Variants in BTBD9 observed in about 807,000 individuals in gnomAD.
The protein encoded by BTBD9 is BTB domain containing 9, also known as BTB/POZ domain-containing protein 9.
In BTBD9, 49 loss-of-function variants were observed where a neutral mutation model predicts 64.3. That is an observed-to-expected ratio of 0.76 (90% confidence interval 0.61 to 0.97). BTBD9 has a LOEUF of 0.97. BTBD9 is among the 50% of genes least tolerant of loss of function. The pLI, the probability that BTBD9 is intolerant of heterozygous loss-of-function variation, is 0.00. For missense variants in BTBD9, 598 were observed against 762.1 expected, an observed-to-expected ratio of 0.78 and a Z score of 2.53; for synonymous variants, 260 against 274.7, an observed-to-expected ratio of 0.95 and a Z score of 0.53.
At chr6:38,486,054 C>T (rs1771391371) in intron 6 of BTBD9, among the ~76,000 whole-genome samples, 1 of 152,216 alleles carries the variant, frequency 6.6e-6, no homozygotes, top group African/African-American at 2.4e-5. Flanking sequence ...TTCTGTTCTT[C>T]ATCTTATGAA....
At chr6:38,362,652 T>C (rs1417109502) in intron 6 of BTBD9, among the ~76,000 whole-genome samples, 2 of 152,216 alleles carry the variant, frequency 1.3e-5, no homozygotes, top group Non-Finnish European at 1.5e-5. Flanking sequence ...TGTTTCTTTC[T>C]TCAAAAATCC....
rs115575806 is a variant in BTBD9 at position 38,500,969 on chromosome 6, A to C, written c.1154+76631T>G. Among the ~76,000 whole-genome samples, 738 of 152,328 alleles carry C rather than the reference A, an allele frequency of 4.8e-3. 9 individuals carry two copies. The highest frequency in any genetic ancestry group is 0.016 in the African/African-American group (683 of 41,566). On this transcript the variant is annotated intron_variant, in intron 6 of 10. Coordinates refer to ENST00000481247, the MANE Select transcript of BTBD9 (RefSeq NM_001099272.2). ...GCTGAAGACCAAATGTTTAATGTATACAATATAGAGTATTCATTTTCTAAT... is the reference window on the plus strand; with the variant it reads ...GCTGAAGACCAAATGTTTAATGTATCCAATATAGAGTATTCATTTTCTAAT...
Position 38,351,517 on chromosome 6 carries a change from T to TTTG in BTBD9, c.1155-6425_1155-6424insCAA, listed in dbSNP as rs1360306610. Among the ~76,000 whole-genome samples, 3 of 144,410 alleles carry TTTG rather than the reference T, an allele frequency of 2.1e-5. 1 individual carries two copies. Among genetic ancestry groups the TTTG allele is most frequent in the Non-Finnish European group, 4.6e-5 (3 of 65,722 alleles). 94.7% of individuals were successfully genotyped at this position (144,410 alleles called of 152,430 possible). A position where few individuals can be genotyped will look rare whatever the true frequency, so the allele number is the denominator to read the frequency against. ...TATTTAATTGTTGTTGTTTTTTTTT[T>TTTG]TTTTTTTTTTGAGATGGAGTCTCAC... is the stretch of plus-strand genomic sequence containing the variant. On this transcript the variant is annotated intron_variant, in intron 6 of 10. Coordinates refer to ENST00000481247, the MANE Select transcript of BTBD9 (RefSeq NM_001099272.2).
intron 7 of BTBD9, among the ~76,000 whole-genome samples, chr6:38,304,556 C>CAA (rs1157109972): frequency 3.5e-5 from 5 of 141,506 alleles, no homozygotes; most frequent in Non-Finnish European, 6.3e-5. Context: ...AAAAAACAAA[C>CAA]AAAAAAAAAA....
rs77675608 is a variant in BTBD9 at position 38,516,073 on chromosome 6, T to G, written c.1154+61527A>C. ...TTCGGCACAATTCTTGAATTTTTAT[T>G]ATTCTAGCTCATAAGTAGAGCCTCA... On this transcript the variant is annotated intron_variant, in intron 6 of 10. Coordinates refer to ENST00000481247, the MANE Select transcript of BTBD9 (RefSeq NM_001099272.2). 1.2e-3 allele frequency among the ~76,000 whole-genome samples: 176 copies of G among 152,310 alleles called. 4 individuals are homozygous for G. The East Asian group carries it at 0.016, about 14-fold the overall frequency.
intron 9 of BTBD9, among the ~76,000 whole-genome samples, chr6:38,223,110 T>C (rs1034437385): frequency 6.6e-6 from 1 of 152,150 alleles, no homozygotes; most frequent in Non-Finnish European, 1.5e-5. Context: ...TTTCACCATG[T>C]TGGCCAGGCT....
chr6:38,311,178 C>T (rs546075592), intron 7 of BTBD9, among the ~76,000 whole-genome samples: 11 of 151,946 alleles, frequency 7.2e-5, no homozygotes, highest in East Asian at 1.9e-4. Context: ...TGCTATGAAA[C>T]GCTAGATCTT....
At chr6:38,195,103 T>TC (rs1470531050) in intron 9 of BTBD9, among the ~76,000 whole-genome samples, 2 of 152,176 alleles carry the variant, frequency 1.3e-5, no homozygotes, top group Non-Finnish European at 2.9e-5. Context: ...AGCATCTGTC[T>TC]CCCCCCATCA....
chr6:38,428,372 G>C (rs935935328), intron 6 of BTBD9, among the ~76,000 whole-genome samples: 1 of 151,716 alleles, frequency 6.6e-6, no homozygotes, highest in Non-Finnish European at 1.5e-5. Flanking sequence ...TAGCATGTTA[G>C]CACTTGCTCT....
At chr6:38,233,977 T>C (rs986041797) in intron 9 of BTBD9, among the ~76,000 whole-genome samples, 1 of 152,268 alleles carries the variant, frequency 6.6e-6, no homozygotes, top group African/African-American at 2.4e-5. Flanking sequence ...TTTTAACTGA[T>C]ACCACTGTGT....
At chr6:38,390,181 TC>T (rs377539559) in intron 6 of BTBD9, among the ~76,000 whole-genome samples, 1 of 152,294 alleles carries the variant, frequency 6.6e-6, no homozygotes, top group Non-Finnish European at 1.5e-5. Context: ...AGATTTTCTT[TC>T]TTTTTTTTGA....
In BTBD9 at chr6:38,594,070, A is replaced by C; in HGVS notation, c.443T>G (p.Val148Gly). Residue 148 changes from valine to glycine, a missense_variant, in exon 3 of 11, where the codon GTT becomes GGT. Transcript: ENST00000481247. ...NIQNVCMTFD[V>G]ASLYSLPKLT... Reference sequence around the variant, plus strand: ...CTTGGGAAGTGAGTAGAGACTGGCAACATCAAAAGTCATGCAGACATTCTG... The same window carrying C: ...CTTGGGAAGTGAGTAGAGACTGGCACCATCAAAAGTCATGCAGACATTCTG... 6.2e-7 allele frequency: 1 copy of C among 1,614,216 alleles called. No homozygotes were observed. Among genetic ancestry groups the C allele is most frequent in the Non-Finnish European group, 8.5e-7 (1 of 1,180,022 alleles).
intron 9 of BTBD9, among the ~76,000 whole-genome samples, chr6:38,194,568 T>C (rs1019542179): frequency 1.3e-5 from 2 of 152,198 alleles, no homozygotes; most frequent in Non-Finnish European, 2.9e-5. Context: ...TTCTGGACAG[T>C]TGGAAGCTCT....
intron 6 of BTBD9, among the ~76,000 whole-genome samples, chr6:38,467,381 C>G (rs1340866005): frequency 6.6e-6 from 1 of 152,164 alleles, no homozygotes; most frequent in Non-Finnish European, 1.5e-5. Flanking sequence ...CTGTTAGAGT[C>G]TATGTATACA....
At chr6:38,500,823 C>T (rs1036488221) in intron 6 of BTBD9, among the ~76,000 whole-genome samples, 1 of 152,170 alleles carries the variant, frequency 6.6e-6, no homozygotes, top group African/African-American at 2.4e-5. Context: ...ATGCCAGTGA[C>T]AAGAACAGAT....
At chr6:38,486,308 C>G (rs1027376628) in intron 6 of BTBD9, among the ~76,000 whole-genome samples, 1 of 152,198 alleles carries the variant, frequency 6.6e-6, no homozygotes, top group African/African-American at 2.4e-5. Context: ...AGTGCTTGGA[C>G]TTTCCTTCAA....
In BTBD9 at chr6:38,345,768, C is replaced by A. The variant is rs1764255271; in HGVS notation, c.1155-675G>T. Among the ~76,000 whole-genome samples, 5 of 152,354 alleles carry A rather than the reference C, an allele frequency of 3.3e-5. No individual in the cohort carries two copies. In the South Asian group the frequency reaches 1.0e-3, roughly 32 times the overall value. ...CCCTCCTGGCCACGTGAATCTGGCA[C>A]CTGCACACAGTGCAGAGTTTCACTG... is the stretch of plus-strand genomic sequence containing the variant. On this transcript the variant is annotated intron_variant, in intron 6 of 10. Transcript: ENST00000481247.
intron 6 of BTBD9, among the ~76,000 whole-genome samples, chr6:38,394,723 G>A (rs2127626221): frequency 6.6e-6 from 1 of 152,066 alleles, no homozygotes; most frequent in East Asian, 1.9e-4. Flanking sequence ...TTTCTCTGGA[G>A]GATGGCAGCC....
At chr6:38,251,093 A>T (rs9462419) in intron 9 of BTBD9, among the ~76,000 whole-genome samples, 14,073 of 149,096 alleles carry the variant, frequency 0.094, 1,290 homozygotes, top group East Asian at 0.28. Context: ...GAAAAAAAAA[A>T]AATAATAATA....
Sources: allele counts gnomAD v4.1 joint callset (sites outside exome capture counted in the v4.1 genomes callset), GRCh38; gene constraint gnomAD v4.1.1; transcripts MANE v1.5; gene names NCBI Gene and HGNC (gene_info 2026-07-23, HGNC 2026-07-21).